The following ST8SIA1 variants were observed in gnomAD, a reference collection of about 807,000 sequenced individuals.
The protein encoded by ST8SIA1 is ST8 alpha-N-acetyl-neuraminide alpha-2,8-sialyltransferase 1.
Under a neutral mutation model 35.9 loss-of-function variants are expected in ST8SIA1, and 16 were observed. That is an observed-to-expected ratio of 0.45 (90% CI 0.30 to 0.68). The LOEUF is 0.68. Among genes scored for constraint, ST8SIA1 ranks in the 30% least tolerant of loss-of-function variants. ST8SIA1 has a pLI of 0.09. For missense variants in ST8SIA1, 383 were observed against 453.6 expected, an observed-to-expected ratio of 0.84 and a Z score of 1.41; for synonymous variants, 170 against 169.6, an observed-to-expected ratio of 1.00 and a Z score of -0.02.
intron 1 of ST8SIA1, among the ~76,000 whole-genome samples, chr12:22,288,896 T>C (rs1866139925): frequency 6.6e-6 from 1 of 152,178 alleles, no homozygotes; most frequent in African/African-American, 2.4e-5. Flanking sequence ...TTGTTTGTTG[T>C]TGTTGTCCTT....
intron 4 of ST8SIA1, among the ~76,000 whole-genome samples, chr12:22,203,023 C>A (rs959615338): frequency 5.3e-5 from 8 of 152,146 alleles, no homozygotes; most frequent in African/African-American, 1.7e-4. Context: ...GAACATCACT[C>A]TGTGGTGACA....
chr12:22,231,568 AT>A (rs1386625228), intron 4 of ST8SIA1, among the ~76,000 whole-genome samples: 1 of 151,740 alleles, frequency 6.6e-6, no homozygotes, highest in African/African-American at 2.4e-5. Flanking sequence ...TTTTATTTTT[AT>A]TTTTGTTTAT....
intron 2 of ST8SIA1, among the ~76,000 whole-genome samples, chr12:22,271,771 T>C (rs965146392): frequency 1.3e-5 from 2 of 152,162 alleles, no homozygotes; most frequent in Non-Finnish European, 2.9e-5. Context: ...CAGCCTTTCC[T>C]GTCTCCTTGT....
intron 2 of ST8SIA1, among the ~76,000 whole-genome samples, chr12:22,285,837 T>C (rs1326813780): frequency 1.7e-5 from 2 of 117,396 alleles, no homozygotes; most frequent in East Asian, 5.3e-4. Context: ...GCTACTGCAC[T>C]CAAGCCCAGG....
intron 1 of ST8SIA1, among the ~76,000 whole-genome samples, chr12:22,293,902 T>C (rs1866211384): frequency 6.6e-6 from 1 of 152,164 alleles, no homozygotes; most frequent in African/African-American, 2.4e-5. Context: ...GTAGCCTACA[T>C]AGAAATCAGA....
intron 4 of ST8SIA1, chr12:22,223,498 G>A (rs571118711): frequency 5.7e-5 from 57 of 997,812 alleles, no homozygotes; most frequent in Middle Eastern, 8.6e-4. Flanking sequence ...TGATGCTGGC[G>A]CAGCCAATGT....
chr12:22,316,490 G>A (rs1365218194), intron 1 of ST8SIA1, among the ~76,000 whole-genome samples: 1 of 152,060 alleles, frequency 6.6e-6, no homozygotes, highest in East Asian at 1.9e-4. Flanking sequence ...ACAAATCACA[G>A]ATAGATCTCA....
chr12:22,218,871 T>A (rs991292878), intron 4 of ST8SIA1, among the ~76,000 whole-genome samples: 2 of 151,872 alleles, frequency 1.3e-5, no homozygotes, highest in Middle Eastern at 3.4e-3. Context: ...TAGCAAGGAA[T>A]AATAAGTGCA....
chr12:22,309,862 C>G (rs1866429080), intron 1 of ST8SIA1, among the ~76,000 whole-genome samples: 1 of 152,200 alleles, frequency 6.6e-6, no homozygotes, highest in South Asian at 2.1e-4. Flanking sequence ...TTACTATGCA[C>G]AGATGCTATG....
chr12:22,205,926 T>C (rs1372711086), intron 4 of ST8SIA1, among the ~76,000 whole-genome samples: 3 of 152,118 alleles, frequency 2.0e-5, no homozygotes, highest in Non-Finnish European at 2.9e-5. Context: ...GAGAAATATT[T>C]ACAGCAAATA....
chr12:22,212,359 C>T (rs1445902411), intron 4 of ST8SIA1, among the ~76,000 whole-genome samples: 1 of 152,152 alleles, frequency 6.6e-6, no homozygotes, highest in Non-Finnish European at 1.5e-5. Flanking sequence ...TTTCCATGTT[C>T]ATGGCTGCTT....
intron 4 of ST8SIA1, among the ~76,000 whole-genome samples, chr12:22,240,915 C>A (rs1437495970): frequency 6.6e-6 from 1 of 151,828 alleles, no homozygotes; most frequent in Non-Finnish European, 1.5e-5. Flanking sequence ...AAAAGTTTAA[C>A]TCCACCATGA....
intron 3 of ST8SIA1, among the ~76,000 whole-genome samples, chr12:22,252,478 T>C (rs1359648303): frequency 6.6e-6 from 1 of 152,218 alleles, no homozygotes; most frequent in Non-Finnish European, 1.5e-5. Flanking sequence ...TCCTATAATT[T>C]AAAACATACA....
intron 4 of ST8SIA1, among the ~76,000 whole-genome samples, chr12:22,219,716 A>G (rs1017506491): frequency 1.2e-4 from 18 of 152,148 alleles, no homozygotes; most frequent in African/African-American, 4.3e-4. Flanking sequence ...AGTTCTGGGA[A>G]AGCAAATGGA....
intron 4 of ST8SIA1, among the ~76,000 whole-genome samples, chr12:22,232,256 G>A (rs1162753825): frequency 6.6e-6 from 1 of 152,158 alleles, no homozygotes; most frequent in Non-Finnish European, 1.5e-5. Flanking sequence ...AAACTTATTG[G>A]GAGATGACTG....
chr12:22,286,486 C>A (rs369369153), intron 2 of ST8SIA1: 101 of 518,710 alleles, frequency 1.9e-4, no homozygotes, highest in Non-Finnish European at 3.5e-4. Context: ...TCCCTAATTG[C>A]AATTTTGCCT....
intron 4 of ST8SIA1, among the ~76,000 whole-genome samples, chr12:22,205,446 G>T (rs1471933574): frequency 1.3e-5 from 2 of 152,056 alleles, no homozygotes; most frequent in South Asian, 2.1e-4. Context: ...AAGGACAAAA[G>T]TATAGCACAT....
intron 4 of ST8SIA1, among the ~76,000 whole-genome samples, chr12:22,219,872 A>G (rs182600562): frequency 1.3e-5 from 2 of 152,300 alleles, no homozygotes; most frequent in East Asian, 3.9e-4. Flanking sequence ...ACCCACATAG[A>G]GGAATCATTA....
chr12:22,232,630 G>A (rs1414458480), intron 4 of ST8SIA1, among the ~76,000 whole-genome samples: 1 of 152,086 alleles, frequency 6.6e-6, no homozygotes, highest in Non-Finnish European at 1.5e-5. Flanking sequence ...GTCATCAGAG[G>A]ATATACATAT....
Sources: gnomAD v4.1 joint callset for allele counts (sites outside exome capture counted in the v4.1 genomes callset) on GRCh38, gnomAD v4.1.1 for gene constraint, MANE v1.5 for transcripts, NCBI Gene and HGNC (gene_info 2026-07-23, HGNC 2026-07-21) for gene names.